The following PPL variants were observed in gnomAD, a reference collection of about 807,000 sequenced individuals.
PPL encodes the protein 190 kDa paraneoplastic pemphigus antigen.
PPL carries 198 observed loss-of-function variants against 194.4 expected under a neutral mutation model. That is an observed-to-expected ratio of 1.02 (90% CI 0.91 to 1.15). PPL has a LOEUF of 1.15. Among genes scored for constraint, PPL ranks in the 50% most tolerant of loss-of-function variants. The pLI, the probability that PPL is intolerant of heterozygous loss-of-function variation, is 0.00. For missense variants in PPL, 2,885 were observed against 2,294.8 expected (o/e 1.26, Z -5.25); for synonymous variants, 1,220 against 972.4 (o/e 1.25, Z -4.74).
In PPL at chr16:4,920,370, AG is replaced by A. The variant is rs147986009; in HGVS notation, c.63-9422del. ...GAGAAAGAAAGAAAGAAAGAAAGAA[AG>A]GACACCTCGGTCAAATTTCAAAGAC... On this transcript the variant is annotated intron_variant, in intron 1 of 21. Coordinates refer to ENST00000345988, the MANE Select transcript of PPL (RefSeq NM_002705.5). Among the ~76,000 whole-genome samples, 70 of 21,980 alleles carry A rather than the reference AG, an allele frequency of 3.2e-3. 6 individuals are homozygous for A. The highest frequency in any genetic ancestry group is 0.015 in the Non-Finnish European group (37 of 2,494). 14.4% of individuals were successfully genotyped at this position (21,980 alleles called of 152,430 possible).
intron 18 of PPL, among the ~76,000 whole-genome samples, chr16:4,889,715 T>G (rs2088284665): frequency 1.3e-5 from 2 of 152,196 alleles, no homozygotes; most frequent in Non-Finnish European, 2.9e-5. Flanking sequence ...GTAAGCATCG[T>G]GACCTCCAGC....
In PPL at chr16:4,884,297, G is replaced by A. The variant is rs753654745; in HGVS notation, c.4358C>T (p.Pro1453Leu). ...CAGGGCATGCTCTCGCGCCTGCTGC[G>A]GGTCCTGCTGCAGCACCACCTTCTG... is the stretch of plus-strand genomic sequence containing the variant. ...HTQKVVLQQD[P>L]QQAREHALLR... is the part of the protein sequence containing the mutation. The change falls in exon 22 of 22, where the codon CCG (proline) becomes CTG (leucine). Residue 1453 changes from proline (P) to leucine (L), a missense_variant. Coordinates refer to ENST00000345988, the MANE Select transcript of PPL (RefSeq NM_002705.5). The surrounding 1 kb of genome is among the most constrained non-coding windows in gnomAD (Gnocchi z 5.7). 6 of 1,611,006 alleles carry A rather than the reference G, an allele frequency of 3.7e-6. No homozygotes were observed. The highest frequency in any genetic ancestry group is 2.2e-5 in the East Asian group (1 of 44,866).
chr16:4,929,654 G>T (rs1300077478), intron 1 of PPL, among the ~76,000 whole-genome samples: 1 of 152,164 alleles, frequency 6.6e-6, no homozygotes, highest in Non-Finnish European at 1.5e-5. Flanking sequence ...AGGAGTAGCA[G>T]AATTTTAGAT....
chr16:4,888,657 C>T (rs906469135), intron 19 of PPL: 5 of 375,352 alleles, frequency 1.3e-5, no homozygotes, highest in Non-Finnish European at 2.4e-5. Flanking sequence ...TCCTTTCCAG[C>T]GTACTAGTTT....
At chr16:4,889,632 G>A (rs960743829) in intron 18 of PPL, among the ~76,000 whole-genome samples, 1 of 152,132 alleles carries the variant, frequency 6.6e-6, no homozygotes, top group Non-Finnish European at 1.5e-5. Context: ...GTTTACTGAT[G>A]ATTTGGACCA....
chr16:4,926,337 C>G (rs2089154117), intron 1 of PPL, among the ~76,000 whole-genome samples: 1 of 152,210 alleles, frequency 6.6e-6, no homozygotes. Context: ...TCTTTGTCAT[C>G]TCTCTGCCCC....
rs998563179 is a variant in PPL, at chr16:4,883,278, A to C, written c.*106T>G. ...AGCCTGGCAGCGAGGGTATGTATAA[A>C]ATGCTTGGCCTGCACCAGGGCAAGG... On this transcript the variant is annotated 3_prime_UTR_variant, in exon 22 of 22. Coordinates refer to ENST00000345988, the MANE Select transcript of PPL (RefSeq NM_002705.5). This position sits in a 1 kb window ranked among gnomAD's most constrained non-coding sequence, Gnocchi z 4.8. 9.3e-6 allele frequency: 14 copies of C among 1,508,550 alleles called. No homozygotes were observed. The highest frequency in any genetic ancestry group is 2.0e-5 in the Admixed American group (1 of 51,208). 93.4% of individuals were successfully genotyped at this position (1,508,550 alleles called of 1,614,324 possible).
Position 4,900,792 on chromosome 16 carries a change from C to T in PPL, c.606+38G>A, listed in dbSNP as rs1249929266. 2.5e-6 allele frequency: 4 copies of T among 1,613,826 alleles called. No homozygotes were observed. The Admixed American group carries it at 5.0e-5, about 20-fold the overall frequency. On this transcript the variant is annotated intron_variant, in intron 6 of 21. Transcript: ENST00000345988. ...CCGACTCCAAGCTTCCCATCCTCTC[C>T]TCTCCCCATGAGGCCTTTCCCCCAG... is the stretch of plus-strand genomic sequence containing the variant.
intron 6 of PPL, 121 bp from the exon 7 acceptor site, chr16:4,899,505 G>T (rs1368453385): frequency 1.5e-6 from 2 of 1,363,486 alleles, no homozygotes; most frequent in Non-Finnish European, 2.0e-6. Context: ...GCTATGGGTG[G>T]CCTGAGGACA....
At position 4,893,217 on chromosome 16, in the gene PPL, A is replaced by C. The variant is rs1416031913; in HGVS notation, c.1646T>G (p.Leu549Arg). Residue 549 changes from leucine to arginine, a missense_variant, in exon 14 of 22, where the codon CTC (leucine) becomes CGC (arginine). Leu to Arg is a moderately radical substitution (Grantham distance 102). Transcript: ENST00000345988. ...VQDSAERAKD[L>R]KNITNELLRI... ...GTGCTCCTGACCCGCAGGTACCTTG[A>C]GGTCCTTGGCCCGCTCGGCACTGTC... 1 of 1,562,728 alleles carries C rather than the reference A, an allele frequency of 6.4e-7. No homozygotes were observed.
chr16:4,910,869 G>A lies in PPL; in HGVS notation c.143C>T (p.Thr48Ile). ...ADQVEKNIVD[T>I]EAKMQSDLAR... ...ACTCACACTCTGCATCTTGGCCTCT[G>A]TGTCCACGATGTTCTTCTCCACCTG... The change falls in exon 2 of 22, where the codon ACA becomes ATA. Residue 48 changes from threonine (T) to isoleucine (I), a missense_variant. Thr to Ile is a moderately conservative substitution (Grantham distance 89, BLOSUM62 -1). Coordinates refer to ENST00000345988, the MANE Select transcript of PPL (RefSeq NM_002705.5). The A allele has an allele frequency of 6.2e-7, 1 of 1,613,966 alleles. No homozygotes were observed. Among genetic ancestry groups the A allele is most frequent in the South Asian group, 1.1e-5 (1 of 91,084 alleles).
At chr16:4,936,897 T>A in intron 1 of PPL, 87 bp downstream of exon 1, 1 of 1,333,544 alleles carries the variant, frequency 7.5e-7, no homozygotes, top group Non-Finnish European at 1.0e-6. Context: ...GTACCCCCCA[T>A]TCCTACACTG....
intron 18 of PPL, among the ~76,000 whole-genome samples, 194 bp from the exon 19 acceptor site, chr16:4,889,255 T>TG (rs1567992955): frequency 1.6e-5 from 2 of 123,290 alleles, no homozygotes; most frequent in Non-Finnish European, 3.3e-5. Context: ...TTTTTTTTTT[T>TG]TTTTTTTTTT....
chr16:4,911,520 C>T (rs1385715090), intron 1 of PPL, among the ~76,000 whole-genome samples: 3 of 149,790 alleles, frequency 2.0e-5, no homozygotes, highest in Non-Finnish European at 4.5e-5. Context: ...TTCATTCATT[C>T]GTTCATTCAT....
At position 4,902,975 on chromosome 16, in the gene PPL, C is replaced by A. The variant is rs1042131018; in HGVS notation, c.318-449G>T. ...AAGTGCTGGGATCACAGGCGTGAGC[C>A]ACCGTGCCTGGCCCCACCCACTTTC... On this transcript the variant is annotated intron_variant, in intron 3 of 21. Transcript: ENST00000345988. This position sits in a 1 kb window ranked among gnomAD's most constrained non-coding sequence, Gnocchi z 4.0. Among the ~76,000 whole-genome samples, 2 of 152,146 alleles carry A rather than the reference C, an allele frequency of 1.3e-5. No homozygotes were observed. The highest frequency in any genetic ancestry group is 4.8e-5 in the African/African-American group (2 of 41,452).
chr16:4,902,006 G>A lies in PPL; in HGVS notation c.438+400C>T, dbSNP rs921747689. ...ACTGGGGAAGCTAAGGCTTGAACCC[G>A]GGACACCTAGCTGCAGTGGCTGTGT... On this transcript the variant is annotated intron_variant, in intron 4 of 21. Coordinates refer to ENST00000345988, the MANE Select transcript of PPL (RefSeq NM_002705.5). The surrounding 1 kb of genome is among the most constrained non-coding windows in gnomAD (Gnocchi z 4.0). Among the ~76,000 whole-genome samples the A allele has an allele frequency of 6.6e-6, 1 of 152,036 alleles. No homozygotes were observed. Among genetic ancestry groups the A allele is most frequent in the Non-Finnish European group, 1.5e-5 (1 of 67,998 alleles).
At chr16:4,893,774 C>T (rs1364151907) in intron 12 of PPL, 136 bp from the exon 13 acceptor site, 7 of 656,768 alleles carry the variant, frequency 1.1e-5, no homozygotes, top group African/African-American at 1.8e-5. Context: ...AGCAAGTGCT[C>T]ACTGTGGCAC....
At chr16:4,886,284 G>C (rs1166848623) in intron 21 of PPL, among the ~76,000 whole-genome samples, 1 of 152,140 alleles carries the variant, frequency 6.6e-6, no homozygotes, top group Non-Finnish European at 1.5e-5. Context: ...TGAAACCACG[G>C]TCTCCCACCT....
rs755943888 is a variant in PPL, at chr16:4,884,240, C to T, written c.4415G>A (p.Arg1472Gln). 1.8e-5 allele frequency: 29 copies of T among 1,613,244 alleles called. No homozygotes were observed. Among genetic ancestry groups the T allele is most frequent in the South Asian group, 6.6e-5 (6 of 91,078 alleles). The change falls in exon 22 of 22, where the codon CGG becomes CAG. Residue 1472 changes from arginine to glutamine, a missense_variant. Transcript: ENST00000345988. The surrounding 1 kb of genome is among the most constrained non-coding windows in gnomAD (Gnocchi z 5.7). ...LRLQLEEEQH[R>Q]RQLLEGELET... ...GAGCTCCCCCTCCAGGAGCTGCCGC[C>T]GGTGCTGCTCTTCTTCCAGCTGGAG...
Sources: gnomAD v4.1 joint callset for allele counts (sites outside exome capture counted in the v4.1 genomes callset) on GRCh38, gnomAD v4.1.1 for gene constraint, Gnocchi (gnomAD v3.1) non-coding constraint, MANE v1.5 for transcripts, NCBI Gene and HGNC (gene_info 2026-07-23, HGNC 2026-07-21) for gene names.